NTAN1: variants seen among roughly 807,000 people sequenced by gnomAD.
NTAN1 encodes N-terminal asparagine amidase.
In NTAN1, 32 loss-of-function variants were observed where a neutral mutation model predicts 41.9. That is an observed-to-expected ratio of 0.76 (90% CI 0.58 to 1.03). NTAN1 has a LOEUF of 1.03. Ranked by LOEUF, NTAN1 falls within the 50% of genes least tolerant of loss-of-function variation. The probability of loss-of-function intolerance (pLI) is 0.00; values close to 1 mark genes in which losing one functional copy is unlikely to be tolerated. For synonymous variants in NTAN1, 140 were observed against 139.5 expected, an observed-to-expected ratio of 1.00 and a Z score of -0.03; for missense variants, 377 against 377.5, an observed-to-expected ratio of 1.00 and a Z score of 0.01.
At chr16:15,048,309 T>C (rs1218186355) in intron 1 of NTAN1, among the ~76,000 whole-genome samples, 1 of 152,204 alleles carries the variant, frequency 6.6e-6, no homozygotes, top group Non-Finnish European at 1.5e-5. Flanking sequence ...CGCGGTGGTT[T>C]TTTTAACCTA....
chr16:15,040,095 T>C, intron 7 of NTAN1, 29 bp from the exon 8 acceptor site: 1 of 1,291,268 alleles, frequency 7.7e-7, no homozygotes, highest in Non-Finnish European at 1.1e-6. Flanking sequence ...TGACTCTGAA[T>C]TGACAAAAGA....
intron 8 of NTAN1, among the ~76,000 whole-genome samples, 190 bp downstream of exon 8, chr16:15,039,779 C>T (rs2043725677): frequency 6.6e-6 from 1 of 152,084 alleles, no homozygotes; most frequent in African/African-American, 2.4e-5. Flanking sequence ...GAGCTGATGA[C>T]CTAAAGATGT....
intron 4 of NTAN1, 180 bp downstream of exon 4, chr16:15,047,262 C>T: frequency 1.7e-6 from 1 of 601,524 alleles, no homozygotes; most frequent in Admixed American, 2.9e-5. Flanking sequence ...GCCCAGCACC[C>T]ACTCATTCAC....
intron 9 of NTAN1, 88 bp downstream of exon 9, chr16:15,038,486 C>A: frequency 1.3e-6 from 1 of 770,516 alleles, no homozygotes; most frequent in Non-Finnish European, 2.2e-6. Flanking sequence ...GGGAAAGCAG[C>A]TATGACCTGG....
In NTAN1 at chr16:15,037,884, A is replaced by T; in HGVS notation, c.*147T>A. On this transcript the variant is annotated 3_prime_UTR_variant, in exon 10 of 10. Coordinates refer to ENST00000287706, the MANE Select transcript of NTAN1 (RefSeq NM_173474.4). ...TGCCAAAATAAGGTTTTATTTTGAAAGTCATTTGATGAAAGTCATTTGAAA... is the reference window on the plus strand; with the variant it reads ...TGCCAAAATAAGGTTTTATTTTGAATGTCATTTGATGAAAGTCATTTGAAA... 1.8e-6 allele frequency: 1 copy of T among 562,384 alleles called. No homozygotes were observed. Among genetic ancestry groups the T allele is most frequent in the South Asian group, 3.1e-5 (1 of 32,780 alleles). The allele number at this position is 562,384 out of a possible 1,614,324, so 34.8% of individuals were successfully genotyped here.
intron 9 of NTAN1, 121 bp downstream of exon 9, chr16:15,038,453 C>T (rs1369645247): frequency 6.1e-6 from 4 of 654,430 alleles, no homozygotes; most frequent in Non-Finnish European, 1.1e-5. Flanking sequence ...TCAATGGCAT[C>T]CAAAAAGTTA....
intron 1 of NTAN1, among the ~76,000 whole-genome samples, chr16:15,049,039 A>G (rs1048925108): frequency 7.5e-6 from 1 of 134,042 alleles, no homozygotes; most frequent in Non-Finnish European, 1.6e-5. Context: ...GAGTACAGGC[A>G]CACACCGCCA....
intron 1 of NTAN1, among the ~76,000 whole-genome samples, chr16:15,049,773 G>T (rs576815440): frequency 6.6e-6 from 1 of 152,296 alleles, no homozygotes; most frequent in Admixed American, 6.5e-5. Context: ...AATGGAAAAG[G>T]TAAGTAAATT....
rs530787461 is a variant in NTAN1, at chr16:15,038,520, A to G, written c.753+54T>C. 5.4e-5 allele frequency: 55 copies of G among 1,011,100 alleles called. No homozygotes were observed. The East Asian group carries it at 1.0e-3, about 19-fold the overall frequency. The allele number at this position is 1,011,100 out of a possible 1,614,324, so 62.6% of individuals were successfully genotyped here. ...GGTCTAAACCCTTTTTTTCTTACAG[A>G]TGGGGAAACCAGGGTGCAGAGATTT... On this transcript the variant is annotated intron_variant, in intron 9 of 9. Transcript: ENST00000287706.
At chr16:15,055,808 C>G (rs979918862) in intron 1 of NTAN1, 83 bp downstream of exon 1, 1 of 740,752 alleles carries the variant, frequency 1.3e-6, no homozygotes, top group Non-Finnish European at 1.9e-6. Flanking sequence ...AGTTTCAAGT[C>G]TGTGTCGCGT....
At position 15,040,032 on chromosome 16, in the gene NTAN1, T is replaced by A. The variant is rs14347; in HGVS notation, c.576A>T (p.Ala192=). ...CCTCCGGACCCCGATCTTGAAAGGA[T>A]GCTCTGTAAATCTCTGCAGTCTTAA... ...VNIKTAEIYR[A]SFQDRGPEEQ... The change falls in exon 8 of 10, where the codon GCA becomes GCT. Residue 192 remains alanine (A), a synonymous_variant. Coordinates refer to ENST00000287706, the MANE Select transcript of NTAN1 (RefSeq NM_173474.4). The A allele has an allele frequency of 2.5e-6, 4 of 1,610,160 alleles. No individual in the cohort carries two copies. The highest frequency in any genetic ancestry group is 3.4e-6 in the Non-Finnish European group (4 of 1,176,972).
At chr16:15,044,726 G>T in intron 4 of NTAN1, 2 of 352,520 alleles carry the variant, frequency 5.7e-6, no homozygotes, top group Non-Finnish European at 1.0e-5. Context: ...GCTCACATCT[G>T]TAATCCTAGC....
At chr16:15,045,446 G>A (rs2044019293) in intron 4 of NTAN1, 1 of 150,316 alleles carries the variant, frequency 6.7e-6, no homozygotes, top group Non-Finnish European at 1.5e-5. Flanking sequence ...CAGCCTGGGT[G>A]ACAGAGCCAG....
intron 1 of NTAN1, 142 bp downstream of exon 1, chr16:15,055,749 G>T: frequency 2.4e-6 from 1 of 417,956 alleles, no homozygotes; most frequent in Non-Finnish European, 4.0e-6. Context: ...ACCCCTCAAG[G>T]GGAAGACGCG....
At chr16:15,050,117 G>T (rs2044239413) in intron 1 of NTAN1, among the ~76,000 whole-genome samples, 1 of 152,116 alleles carries the variant, frequency 6.6e-6, no homozygotes, top group Non-Finnish European at 1.5e-5. Context: ...TTTACGAAAG[G>T]TATGTTAATA....
chr16:15,051,103 T>TA (rs1280573634), intron 1 of NTAN1, among the ~76,000 whole-genome samples: 1 of 152,236 alleles, frequency 6.6e-6, no homozygotes, highest in Non-Finnish European at 1.5e-5. Flanking sequence ...CTGAGATACT[T>TA]ACCTTCTGCT....
Position 15,040,760 on chromosome 16 carries a change from G to C in NTAN1, c.541+308C>G, listed in dbSNP as rs533483082. Among the ~76,000 whole-genome samples the C allele has an allele frequency of 5.9e-5, 9 of 152,274 alleles. No individual in the cohort carries two copies. In the South Asian group the frequency reaches 1.0e-3, roughly 18 times the overall value. On this transcript the variant is annotated intron_variant, in intron 7 of 9. Transcript: ENST00000287706. ...AAAGCACGCCGGGCCTGGGGTGCTG[G>C]GGGGAGAGGGAAACAAAACCAGGCA...
intron 4 of NTAN1, 82 bp downstream of exon 4, chr16:15,047,359 TC>T: frequency 1.1e-6 from 1 of 895,216 alleles, no homozygotes; most frequent in South Asian, 1.4e-5. Context: ...CATCCTGTGT[TC>T]CCCTAACAGC....
intron 4 of NTAN1, among the ~76,000 whole-genome samples, chr16:15,046,980 C>T (rs1034218259): frequency 6.6e-6 from 1 of 152,182 alleles, no homozygotes; most frequent in African/African-American, 2.4e-5. Flanking sequence ...CCACCCAACA[C>T]CCCATCTTGT....
Sources: allele counts gnomAD v4.1 joint callset (sites outside exome capture counted in the v4.1 genomes callset), GRCh38; gene constraint gnomAD v4.1.1; transcripts MANE v1.5; gene names NCBI Gene and HGNC (gene_info 2026-07-23, HGNC 2026-07-21).